DCLK3: variants seen among roughly 807,000 people sequenced by gnomAD.
The protein encoded by DCLK3 is doublecortin like kinase 3.
In DCLK3, 30 loss-of-function variants were observed where a neutral mutation model predicts 46.4. The ratio of observed to expected loss-of-function variants is 0.65; its 90% CI spans 0.48 to 0.88. The LOEUF (loss-of-function observed/expected upper bound fraction) is 0.88, where lower values mean the gene tolerates loss of function less well. Ranked by LOEUF, DCLK3 falls within the 40% of genes least tolerant of loss-of-function variation. DCLK3 has a pLI of 0.00. For synonymous variants in DCLK3, 401 were observed against 339.2 expected (o/e 1.18, Z -2.00); for missense variants, 846 against 907.1 (o/e 0.93, Z 0.87).
intron 1 of DCLK3, among the ~76,000 whole-genome samples, chr3:36,755,053 T>C (rs1296947877): frequency 6.6e-6 from 1 of 152,228 alleles, no homozygotes; most frequent in African/African-American, 2.4e-5. Flanking sequence ...AAAAAATTTA[T>C]ACATTTATAT....
rs148339035 is a variant in DCLK3, at chr3:36,763,587, G to A, written c.82+595C>T. Among the ~76,000 whole-genome samples the A allele has an allele frequency of 1.6e-3, 245 of 152,288 alleles. 2 individuals are homozygous for A. Among genetic ancestry groups the A allele is most frequent in the African/African-American group, 5.2e-3 (216 of 41,546 alleles). Reference sequence around the variant, plus strand: ...CTGTGTTTCTTTAGTTCTAAGGAGGGTTTCTTGTCATTTAGATGGGTCAGA... The same window carrying A: ...CTGTGTTTCTTTAGTTCTAAGGAGGATTTCTTGTCATTTAGATGGGTCAGA... On this transcript the variant is annotated intron_variant, in intron 1 of 4. Coordinates refer to ENST00000636136, the MANE Select transcript of DCLK3 (RefSeq NM_001394672.2).
chr3:36,756,314 C>T (rs535964662), intron 1 of DCLK3, among the ~76,000 whole-genome samples: 82 of 152,316 alleles, frequency 5.4e-4, no homozygotes, highest in African/African-American at 1.9e-3. Context: ...AGGGCTGCTC[C>T]CAGGACATTA....
intron 2 of DCLK3, among the ~76,000 whole-genome samples, chr3:36,723,322 A>G (rs984830681): frequency 6.6e-6 from 1 of 152,202 alleles, no homozygotes; most frequent in African/African-American, 2.4e-5. Context: ...ACAGAGCACA[A>G]AAGTTTGGAA....
intron 1 of DCLK3, among the ~76,000 whole-genome samples, chr3:36,753,280 T>G (rs1213825489): frequency 6.6e-6 from 1 of 152,226 alleles, no homozygotes; most frequent in African/African-American, 2.4e-5. Context: ...TCCCACTCCC[T>G]CCTCCCAATA....
intron 4 of DCLK3, among the ~76,000 whole-genome samples, chr3:36,716,314 G>C (rs977460200): frequency 2.0e-5 from 3 of 152,052 alleles, no homozygotes; most frequent in Non-Finnish European, 4.4e-5. Flanking sequence ...TTTATTGAAG[G>C]CTGTCTCTTA....
At chr3:36,717,933 C>G (rs976531531) in intron 4 of DCLK3, 77 bp downstream of exon 4, 3 of 1,564,698 alleles carry the variant, frequency 1.9e-6, no homozygotes, top group Non-Finnish European at 2.6e-6. Flanking sequence ...GCACCAGGCA[C>G]AGTGGTGGGT....
chr3:36,737,425 GGGTGAGAGA>G lies in DCLK3; in HGVS notation c.1733_1741del (p.Leu578_His580del). ...GACTTCATGCAATTTCACGATGTTG[GGGTGAGAGA>G]GGCTCTGGATGATCAAGATCTCACT... On this transcript the variant is annotated inframe_deletion, in exon 2 of 5. Coordinates refer to ENST00000636136, the MANE Select transcript of DCLK3 (RefSeq NM_001394672.2). The surrounding 1 kb of genome is among the most constrained non-coding windows in gnomAD (Gnocchi z 4.4). 6.2e-7 allele frequency: 1 copy of G among 1,614,132 alleles called. No individual in the cohort carries two copies. Among genetic ancestry groups the G allele is most frequent in the Non-Finnish European group, 8.5e-7 (1 of 1,180,032 alleles).
chr3:36,734,568 C>T (rs1226726644), intron 2 of DCLK3, among the ~76,000 whole-genome samples: 1 of 151,854 alleles, frequency 6.6e-6, no homozygotes, highest in African/African-American at 2.4e-5. Flanking sequence ...TACACATATA[C>T]ACATATATAT....
intron 2 of DCLK3, among the ~76,000 whole-genome samples, chr3:36,731,481 A>C (rs1054528273): frequency 3.0e-5 from 4 of 135,280 alleles, no homozygotes; most frequent in South Asian, 2.4e-4. Flanking sequence ...ACACACACAC[A>C]CCCTTGAAAG....
chr3:36,738,179 T>A lies in DCLK3; in HGVS notation c.988A>T (p.Thr330Ser). Residue 330 changes from threonine to serine, a missense_variant, in exon 2 of 5, where the codon ACC (threonine) becomes TCC (serine). Coordinates refer to ENST00000636136, the MANE Select transcript of DCLK3 (RefSeq NM_001394672.2). ...CCCTTCCCCATATCCAGCTCACTGG[T>A]CCCCAGAGAAAGCCTCTCACGCTCC... ...SLERERLSLG[T>S]SELDMGKGPM... The A allele has an allele frequency of 6.2e-7, 1 of 1,613,870 alleles. No individual in the cohort carries two copies. Among genetic ancestry groups the A allele is most frequent in the Non-Finnish European group, 8.5e-7 (1 of 1,179,944 alleles).
Position 36,718,034 on chromosome 3 carries a change from G to A in DCLK3, c.2236C>T (p.Pro746Ser). Residue 746 changes from proline (P) to serine (S), a missense_variant, in exon 4 of 5, where the codon CCT becomes TCT. This residue lies in a region of DCLK3 where 247 missense variants were observed against 322.8 expected (regional missense o/e 0.77). Transcript: ENST00000636136. ...CCATCAGAGATATTGTCCCAGTAAG[G>A]GGGGAGGAACTCAAAGTGGCCCAGC... ...IQLGHFEFLP[P>S]YWDNISDAAK... 1.9e-6 allele frequency: 3 copies of A among 1,614,146 alleles called. No homozygotes were observed. The highest frequency in any genetic ancestry group is 1.1e-5 in the South Asian group (1 of 91,080).
At chr3:36,751,918 G>A (rs1265221002) in intron 1 of DCLK3, among the ~76,000 whole-genome samples, 5 of 152,186 alleles carry the variant, frequency 3.3e-5, no homozygotes, top group Non-Finnish European at 7.3e-5. Context: ...GATCATCCAA[G>A]CATGCAGTCA....
At chr3:36,725,140 C>A (rs1403144222) in intron 2 of DCLK3, among the ~76,000 whole-genome samples, 1 of 151,914 alleles carries the variant, frequency 6.6e-6, no homozygotes, top group African/African-American at 2.4e-5. Context: ...CGGTGAAACC[C>A]ATCTCTACTA....
intron 1 of DCLK3, among the ~76,000 whole-genome samples, chr3:36,743,708 G>C (rs2125533789): frequency 6.6e-6 from 1 of 152,186 alleles, no homozygotes; most frequent in African/African-American, 2.4e-5. Context: ...CACATATACA[G>C]AAGAGCAAGC....
At position 36,727,152 on chromosome 3, in the gene DCLK3, G is replaced by A. The variant is rs139295452; in HGVS notation, c.1960-5493C>T. 3.3e-5 allele frequency among the ~76,000 whole-genome samples: 5 copies of A among 152,200 alleles called. No individual in the cohort carries two copies. The East Asian group carries it at 9.7e-4, about 29-fold the overall frequency. ...ACAACAAAAAAAAACAGCTGGGCAT[G>A]GTGGCGGGCCCCTGTAATCCCAGCT... On this transcript the variant is annotated intron_variant, in intron 2 of 4. Coordinates refer to ENST00000636136, the MANE Select transcript of DCLK3 (RefSeq NM_001394672.2).
intron 2 of DCLK3, among the ~76,000 whole-genome samples, chr3:36,724,313 C>G (rs61041828): frequency 0.021 from 3,270 of 152,272 alleles, 96 homozygotes; most frequent in African/African-American, 0.067. Context: ...CTTTACTTGT[C>G]TTGGATGAGA....
intron 2 of DCLK3, among the ~76,000 whole-genome samples, chr3:36,733,248 G>A (rs112455973): frequency 3.9e-5 from 6 of 152,330 alleles, no homozygotes; most frequent in African/African-American, 1.4e-4. Context: ...GGGGGCAGTA[G>A]CAGAATTGGA....
chr3:36,753,998 A>G (rs1418799879), intron 1 of DCLK3, among the ~76,000 whole-genome samples: 1 of 152,148 alleles, frequency 6.6e-6, no homozygotes, highest in Non-Finnish European at 1.5e-5. Flanking sequence ...ACTTCTTAAT[A>G]TGAGTATGTA....
intron 1 of DCLK3, among the ~76,000 whole-genome samples, chr3:36,746,647 T>G (rs1296237532): frequency 6.6e-6 from 1 of 152,212 alleles, no homozygotes; most frequent in Non-Finnish European, 1.5e-5. Flanking sequence ...CCCAGGACAT[T>G]GGGTTATACC....
Sources: gnomAD v4.1 joint callset for allele counts (sites outside exome capture counted in the v4.1 genomes callset) on GRCh38, gnomAD v4.1.1 for gene constraint, gnomAD v4.1.1 regional missense constraint, Gnocchi (gnomAD v3.1) non-coding constraint, MANE v1.5 for transcripts, NCBI Gene and HGNC (gene_info 2026-07-23, HGNC 2026-07-21) for gene names.